STK3: variants seen among roughly 807,000 people sequenced by gnomAD.
The protein encoded by STK3 is serine/threonine kinase 3.
STK3 carries 41 observed loss-of-function variants against 58.0 expected under a neutral mutation model. That is an observed-to-expected ratio of 0.71 (90% CI 0.55 to 0.92). The LOEUF (loss-of-function observed/expected upper bound fraction) is 0.92, where lower values mean the gene tolerates loss of function less well. STK3 is among the 40% of genes least tolerant of loss of function. The probability of loss-of-function intolerance (pLI) is 0.00; values close to 1 mark genes in which losing one functional copy is unlikely to be tolerated. For synonymous variants in STK3, 170 were observed against 191.0 expected, an observed-to-expected ratio of 0.89 and a Z score of 0.91; for missense variants, 479 against 602.7, an observed-to-expected ratio of 0.79 and a Z score of 2.15.
chr8:98,571,588 CA>C (rs1248445102), intron 8 of STK3, among the ~76,000 whole-genome samples: 3 of 152,164 alleles, frequency 2.0e-5, no homozygotes, highest in African/African-American at 7.2e-5. Flanking sequence ...GCTCTGAGTT[CA>C]GACCATAAGA....
At chr8:98,773,602 T>C (rs1831459873) in intron 2 of STK3, among the ~76,000 whole-genome samples, 1 of 152,058 alleles carries the variant, frequency 6.6e-6, no homozygotes, top group Non-Finnish European at 1.5e-5. Context: ...CTATTAATAA[T>C]AAATAAATAG....
intron 6 of STK3, among the ~76,000 whole-genome samples, chr8:98,625,822 C>T (rs916923746): frequency 6.6e-6 from 1 of 152,216 alleles, no homozygotes; most frequent in Non-Finnish European, 1.5e-5. Flanking sequence ...ACAGAAAAAA[C>T]ATCCACAGCA....
At chr8:98,619,163 T>C (rs962125186) in intron 6 of STK3, among the ~76,000 whole-genome samples, 4 of 151,066 alleles carry the variant, frequency 2.6e-5, no homozygotes, top group Admixed American at 2.6e-4. Context: ...TAACGCCGCA[T>C]ACCTACAACT....
At chr8:98,795,460 C>A (rs984000217) in intron 1 of STK3, among the ~76,000 whole-genome samples, 5 of 151,684 alleles carry the variant, frequency 3.3e-5, no homozygotes, top group Admixed American at 1.3e-4. Flanking sequence ...AAAATGGAAG[C>A]ATTCCCCTTG....
intron 6 of STK3, among the ~76,000 whole-genome samples, chr8:98,703,863 T>C (rs1825785201): frequency 6.6e-6 from 1 of 152,114 alleles, no homozygotes; most frequent in Admixed American, 6.5e-5. Flanking sequence ...AATTTTTCTC[T>C]CTTGGACAGC....
chr8:98,634,464 C>T (rs1429092545), intron 6 of STK3, among the ~76,000 whole-genome samples: 2 of 152,152 alleles, frequency 1.3e-5, no homozygotes, highest in African/African-American at 4.8e-5. Context: ...CGTGCCACTG[C>T]ACTCTAGTCT....
chr8:98,469,555 G>A (rs938635412), intron 10 of STK3, among the ~76,000 whole-genome samples: 9 of 152,222 alleles, frequency 5.9e-5, no homozygotes, highest in African/African-American at 2.2e-4. Context: ...TTGGGGGACA[G>A]CACAAAGAAT....
chr8:98,574,253 G>A (rs1813208390), intron 8 of STK3, among the ~76,000 whole-genome samples: 1 of 152,154 alleles, frequency 6.6e-6, no homozygotes, highest in Admixed American at 6.6e-5. Context: ...CAAAAGGAGA[G>A]AGATAAGCTT....
intron 10 of STK3, among the ~76,000 whole-genome samples, chr8:98,520,539 T>G (rs1323915473): frequency 6.6e-6 from 1 of 152,100 alleles, no homozygotes; most frequent in Non-Finnish European, 1.5e-5. Flanking sequence ...CAATAAAGTG[T>G]TCTCTTTCAT....
intron 2 of STK3, among the ~76,000 whole-genome samples, chr8:98,373,069 T>C (rs956999825): frequency 1.3e-5 from 2 of 151,944 alleles, no homozygotes; most frequent in Admixed American, 1.3e-4. Flanking sequence ...ACAGAGAGAG[T>C]CAGATGAGGG....
intron 6 of STK3, among the ~76,000 whole-genome samples, chr8:98,673,365 A>C (rs1400306671): frequency 6.6e-6 from 1 of 152,210 alleles, no homozygotes; most frequent in African/African-American, 2.4e-5. Flanking sequence ...TATAGTACTA[A>C]CACCCACAAA....
chr8:98,915,059 GTGGTTGTGA>G (rs1839292958), intron 1 of STK3, among the ~76,000 whole-genome samples: 1 of 151,796 alleles, frequency 6.6e-6, no homozygotes, highest in African/African-American at 2.4e-5. Context: ...AAAGGAAAGG[GTGGTTGTGA>G]TGGTTAATAC....
intron 4 of STK3, among the ~76,000 whole-genome samples, chr8:98,728,266 A>G (rs1827927168): frequency 6.6e-6 from 1 of 152,202 alleles, no homozygotes; most frequent in South Asian, 2.1e-4. Flanking sequence ...TAAACAATAA[A>G]AAAAGTTATG....
intron 7 of STK3, among the ~76,000 whole-genome samples, chr8:98,581,091 T>A (rs1813841576): frequency 6.6e-6 from 1 of 152,186 alleles, no homozygotes; most frequent in Non-Finnish European, 1.5e-5. Context: ...CCCAACTGGA[T>A]CCTACGTTTC....
At chr8:98,435,331 C>A (rs2131082803) in intron 2 of STK3, among the ~76,000 whole-genome samples, 1 of 152,306 alleles carries the variant, frequency 6.6e-6, no homozygotes, top group East Asian at 1.9e-4. Flanking sequence ...GCTGAAGCAC[C>A]AGCATGTGTG....
At chr8:98,389,732 G>A (rs1158012960), upstream of STK3, among the ~76,000 whole-genome samples, 1 of 149,894 alleles carries the variant, frequency 6.7e-6, no homozygotes, top group Non-Finnish European at 1.5e-5. Flanking sequence ...AACTCTGATT[G>A]GTCTGGCTTG....
At chr8:98,665,896 G>A (rs1022870452) in intron 6 of STK3, among the ~76,000 whole-genome samples, 1 of 151,708 alleles carries the variant, frequency 6.6e-6, no homozygotes, top group African/African-American at 2.4e-5. Context: ...GTAGAGACAG[G>A]GTTTCACCAT....
intron 1 of STK3, among the ~76,000 whole-genome samples, chr8:98,815,708 G>A (rs573518458): frequency 6.6e-6 from 1 of 152,106 alleles, no homozygotes; most frequent in African/African-American, 2.4e-5. Flanking sequence ...GAGAAAGACA[G>A]GGAACTAATT....
At chr8:98,721,661 AC>A (rs1206641569) in intron 4 of STK3, among the ~76,000 whole-genome samples, 1 of 152,034 alleles carries the variant, frequency 6.6e-6, no homozygotes, top group East Asian at 1.9e-4. Flanking sequence ...TATAAAATTC[AC>A]AAAACTAAAA....
Sources: gnomAD v4.1 joint callset for allele counts (sites outside exome capture counted in the v4.1 genomes callset) on GRCh38, gnomAD v4.1.1 for gene constraint, MANE v1.5 for transcripts, NCBI Gene and HGNC (gene_info 2026-07-23, HGNC 2026-07-21) for gene names.